ZHX2: variants seen among roughly 807,000 people sequenced by gnomAD.
ZHX2 encodes zinc fingers and homeoboxes protein 2.
ZHX2 carries 6 observed loss-of-function variants against 21.9 expected under a neutral mutation model. The ratio of observed to expected loss-of-function variants is 0.27; its 90% CI spans 0.15 to 0.54. The LOEUF is 0.54. ZHX2 is among the 20% of genes least tolerant of loss of function. The pLI is 0.95. For missense variants in ZHX2, 908 were observed against 1,090.7 expected, an observed-to-expected ratio of 0.83 and a Z score of 2.36; for synonymous variants, 434 against 437.1, an observed-to-expected ratio of 0.99 and a Z score of 0.09.
intron 2 of ZHX2, among the ~76,000 whole-genome samples, chr8:122,922,979 A>G (rs1820773978): frequency 6.6e-6 from 1 of 152,234 alleles, no homozygotes; most frequent in Non-Finnish European, 1.5e-5. Context: ...TCCAGCTGAC[A>G]GAGCCAACCA....
At chr8:122,825,561 A>G (rs1818245025) in intron 1 of ZHX2, among the ~76,000 whole-genome samples, 1 of 152,158 alleles carries the variant, frequency 6.6e-6, no homozygotes, top group Non-Finnish European at 1.5e-5. Context: ...GATCCTGGCC[A>G]CCATATTTTA....
chr8:122,787,983 T>G (rs1020766731), intron 1 of ZHX2, among the ~76,000 whole-genome samples: 23 of 152,158 alleles, frequency 1.5e-4, no homozygotes, highest in Admixed American at 1.3e-4. Flanking sequence ...GGCCTGACAT[T>G]TATGCCCCCA....
chr8:122,832,083 A>G (rs1023765324), intron 1 of ZHX2, among the ~76,000 whole-genome samples: 2 of 152,136 alleles, frequency 1.3e-5, no homozygotes, highest in Non-Finnish European at 2.9e-5. Context: ...GAAAAGGTAT[A>G]AGGAAGGTTT....
chr8:122,947,250 G>A (rs112224571), intron 2 of ZHX2, among the ~76,000 whole-genome samples: 1,858 of 150,762 alleles, frequency 0.012, 40 homozygotes, highest in African/African-American at 0.043. Context: ...GGGCAACAGA[G>A]CAAGACCCCA....
intron 2 of ZHX2, among the ~76,000 whole-genome samples, chr8:122,917,343 T>A (rs1400475508): frequency 1.3e-5 from 2 of 151,216 alleles, no homozygotes; most frequent in Admixed American, 6.6e-5. Flanking sequence ...CCACACAGCA[T>A]CTACATTATG....
chr8:122,871,417 C>T (rs1819432887), intron 2 of ZHX2, among the ~76,000 whole-genome samples: 1 of 151,222 alleles, frequency 6.6e-6, no homozygotes, highest in Non-Finnish European at 1.5e-5. Flanking sequence ...TCTCAGCAAA[C>T]TATCGCAAGG....
rs560250736 is a variant in ZHX2 at position 122,872,921 on chromosome 8, C to A, written c.-220+9382C>A. Among the ~76,000 whole-genome samples the A allele has an allele frequency of 3.3e-5, 5 of 152,244 alleles. No individual in the cohort carries two copies. The South Asian group carries it at 8.3e-4, about 25-fold the overall frequency. ...GACAGCCAGCAGCTTTTCTCAGCAA[C>A]CCCCGTAGAAAGAAGGCTGTGCTTC... is the stretch of plus-strand genomic sequence containing the variant. On this transcript the variant is annotated intron_variant, in intron 2 of 3. Coordinates refer to ENST00000314393, the MANE Select transcript of ZHX2 (RefSeq NM_014943.5).
intron 1 of ZHX2, among the ~76,000 whole-genome samples, chr8:122,823,434 G>A (rs1818197292): frequency 6.6e-6 from 1 of 152,222 alleles, no homozygotes; most frequent in South Asian, 2.1e-4. Context: ...GCTGGGGAGA[G>A]TATGTGCAGT....
chr8:122,957,051 C>T (rs1813322320), intron 3 of ZHX2, among the ~76,000 whole-genome samples: 1 of 152,138 alleles, frequency 6.6e-6, no homozygotes, highest in Non-Finnish European at 1.5e-5. Flanking sequence ...GCCTGAATAG[C>T]AGAGGTCGAG....
intron 2 of ZHX2, among the ~76,000 whole-genome samples, chr8:122,936,300 G>A (rs1011265686): frequency 6.6e-6 from 1 of 152,190 alleles, no homozygotes; most frequent in Admixed American, 6.5e-5. Flanking sequence ...CATCAGTTGC[G>A]AGGTATGGGG....
intron 3 of ZHX2, among the ~76,000 whole-genome samples, chr8:122,958,898 C>G (rs1813372297): frequency 6.6e-6 from 1 of 151,276 alleles, no homozygotes; most frequent in South Asian, 2.1e-4. Flanking sequence ...CAAGACACAG[C>G]CCCTACCTAA....
At chr8:122,855,407 A>G (rs916131163) in intron 1 of ZHX2, among the ~76,000 whole-genome samples, 3 of 152,100 alleles carry the variant, frequency 2.0e-5, no homozygotes, top group Admixed American at 6.5e-5. Flanking sequence ...ATTTTCTGCA[A>G]CTGCCTCACA....
chr8:122,940,241 G>C lies in ZHX2; in HGVS notation c.-219-11051G>C, dbSNP rs553867835. Among the ~76,000 whole-genome samples the C allele has an allele frequency of 5.3e-5, 8 of 152,292 alleles. No individual in the cohort carries two copies. In the South Asian group the frequency reaches 1.5e-3, roughly 28 times the overall value. On this transcript the variant is annotated intron_variant, in intron 2 of 3. Transcript: ENST00000314393. Reference sequence around the variant, plus strand: ...TTCTACTGACCTGGTGAGCACTAATGCTGAGCACTGATGGAGAACAAGGCC... The same window carrying C: ...TTCTACTGACCTGGTGAGCACTAATCCTGAGCACTGATGGAGAACAAGGCC...
intron 2 of ZHX2, among the ~76,000 whole-genome samples, chr8:122,924,569 A>G (rs1292878283): frequency 6.6e-6 from 1 of 152,152 alleles, no homozygotes; most frequent in Non-Finnish European, 1.5e-5. Flanking sequence ...CTGGCCTCGC[A>G]CAATCTCACT....
intron 1 of ZHX2, among the ~76,000 whole-genome samples, chr8:122,784,089 T>G (rs893100896): frequency 6.6e-6 from 1 of 152,218 alleles, no homozygotes; most frequent in African/African-American, 2.4e-5. Context: ...AAAACACCAC[T>G]GTTTGTTGGC....
At chr8:122,838,620 G>A (rs1272011327) in intron 1 of ZHX2, among the ~76,000 whole-genome samples, 1 of 135,462 alleles carries the variant, frequency 7.4e-6, no homozygotes, top group Non-Finnish European at 1.5e-5. Context: ...CTGTCACCCA[G>A]GCTGGAGTGC....
At chr8:122,961,797 A>G (rs943097138) in intron 3 of ZHX2, among the ~76,000 whole-genome samples, 4 of 152,188 alleles carry the variant, frequency 2.6e-5, no homozygotes, top group Non-Finnish European at 4.4e-5. Flanking sequence ...GGGGATTACA[A>G]TTCAAGATGA....
At chr8:122,823,465 G>A (rs1818198002) in intron 1 of ZHX2, among the ~76,000 whole-genome samples, 1 of 152,192 alleles carries the variant, frequency 6.6e-6, no homozygotes. Context: ...CCCTGAAGTC[G>A]AAGCAGAGAC....
chr8:122,864,673 C>T (rs1369304973), intron 2 of ZHX2, among the ~76,000 whole-genome samples: 4 of 152,092 alleles, frequency 2.6e-5, no homozygotes, highest in Non-Finnish European at 5.9e-5. Context: ...AAGGCAAAAG[C>T]GGGTGTGGTC....
Sources: allele counts gnomAD v4.1 joint callset (sites outside exome capture counted in the v4.1 genomes callset), GRCh38; gene constraint gnomAD v4.1.1; transcripts MANE v1.5; gene names NCBI Gene and HGNC (gene_info 2026-07-23, HGNC 2026-07-21).